Variants in GABRG3 observed in about 807,000 individuals in gnomAD.
The protein encoded by GABRG3 is gamma-aminobutyric acid receptor subunit gamma-3.
GABRG3 carries 25 observed loss-of-function variants against 48.8 expected under a neutral mutation model. The ratio of observed to expected loss-of-function variants is 0.51; its 90% confidence interval spans 0.37 to 0.72. GABRG3 has a LOEUF of 0.72. GABRG3 is among the 30% of genes least tolerant of loss of function. The pLI, the probability that GABRG3 is intolerant of heterozygous loss-of-function variation, is 0.00. For missense variants in GABRG3, 394 were observed against 577.9 expected, an observed-to-expected ratio of 0.68 and a Z score of 3.26; for synonymous variants, 227 against 217.6, an observed-to-expected ratio of 1.04 and a Z score of -0.38.
At chr15:27,273,942 G>A (rs2140475408) in intron 3 of GABRG3, among the ~76,000 whole-genome samples, 1 of 152,314 alleles carries the variant, frequency 6.6e-6, no homozygotes, top group East Asian at 1.9e-4. Flanking sequence ...GGATTCTGAA[G>A]AGGTTATAGT....
At chr15:27,518,502 T>C (rs1210407107) in intron 6 of GABRG3, among the ~76,000 whole-genome samples, 4 of 152,208 alleles carry the variant, frequency 2.6e-5, no homozygotes, top group African/African-American at 9.6e-5. Flanking sequence ...GGTTTTAAGA[T>C]AGATATTGTA....
At chr15:27,015,882 A>C (rs1895770229) in intron 2 of GABRG3, among the ~76,000 whole-genome samples, 2 of 152,170 alleles carry the variant, frequency 1.3e-5, no homozygotes, top group African/African-American at 4.8e-5. Context: ...GTCAAATAAA[A>C]TACTTTGAAT....
chr15:27,193,624 C>T (rs1409450753), intron 3 of GABRG3, among the ~76,000 whole-genome samples: 1 of 152,218 alleles, frequency 6.6e-6, no homozygotes, highest in African/African-American at 2.4e-5. Context: ...CTGTCTGTCA[C>T]CCCTTTCTTT....
intron 5 of GABRG3, among the ~76,000 whole-genome samples, chr15:27,454,285 G>T (rs183948062): frequency 2.0e-5 from 3 of 152,292 alleles, no homozygotes; most frequent in African/African-American, 7.2e-5. Context: ...GGATTCTGTA[G>T]TCTGTCCCTC....
chr15:27,083,806 G>A (rs1189754205), intron 3 of GABRG3, among the ~76,000 whole-genome samples: 3 of 152,166 alleles, frequency 2.0e-5, no homozygotes, highest in African/African-American at 7.2e-5. Context: ...GTGGGGCATG[G>A]GTGTTTCAAA....
chr15:27,337,555 C>T (rs1431912298), intron 5 of GABRG3, among the ~76,000 whole-genome samples: 1 of 152,174 alleles, frequency 6.6e-6, no homozygotes, highest in Non-Finnish European at 1.5e-5. Flanking sequence ...CTCTCAAGGC[C>T]ACCGTGCTGC....
chr15:27,406,411 A>G (rs1887635442), intron 5 of GABRG3, among the ~76,000 whole-genome samples: 2 of 152,124 alleles, frequency 1.3e-5, no homozygotes, highest in Non-Finnish European at 2.9e-5. Context: ...GACCTGACAA[A>G]CCTAATGGCA....
intron 3 of GABRG3, among the ~76,000 whole-genome samples, chr15:27,222,607 G>A (rs1028937242): frequency 6.6e-6 from 1 of 152,160 alleles, no homozygotes; most frequent in Non-Finnish European, 1.5e-5. Context: ...AATGACCTAA[G>A]AACTAGAAAT....
chr15:27,484,227 C>T (rs1008911092), intron 6 of GABRG3, among the ~76,000 whole-genome samples: 2 of 152,202 alleles, frequency 1.3e-5, no homozygotes, highest in African/African-American at 4.8e-5. Context: ...TGAGCCACTG[C>T]GCCCAGCAAA....
At chr15:27,331,224 G>C (rs185388691) in intron 5 of GABRG3, among the ~76,000 whole-genome samples, 5 of 152,234 alleles carry the variant, frequency 3.3e-5, no homozygotes, top group Admixed American at 2.0e-4. Flanking sequence ...ATATGATCCA[G>C]AATTTGCACT....
intron 3 of GABRG3, among the ~76,000 whole-genome samples, chr15:27,062,649 A>G (rs996656266): frequency 4.0e-5 from 6 of 151,878 alleles, no homozygotes; most frequent in African/African-American, 1.2e-4. Flanking sequence ...CAAACAAAGA[A>G]AAATCACTGA....
chr15:27,328,300 G>T (rs1456623193), intron 4 of GABRG3, among the ~76,000 whole-genome samples: 1 of 152,196 alleles, frequency 6.6e-6, no homozygotes, highest in Admixed American at 6.5e-5. Context: ...GGAACCCCGT[G>T]TAGACACTGA....
At chr15:27,521,085 G>A (rs1891149697) in intron 7 of GABRG3, among the ~76,000 whole-genome samples, 1 of 152,010 alleles carries the variant, frequency 6.6e-6, no homozygotes, top group African/African-American at 2.4e-5. Flanking sequence ...TATATTAGAT[G>A]TCACTGTACA....
At chr15:27,143,249 T>A (rs953641944) in intron 3 of GABRG3, among the ~76,000 whole-genome samples, 2 of 152,132 alleles carry the variant, frequency 1.3e-5, no homozygotes, top group Non-Finnish European at 2.9e-5. Context: ...TGGATAATTT[T>A]TAAATTTTTT....
chr15:27,227,094 C>T (rs982037422), intron 3 of GABRG3, among the ~76,000 whole-genome samples: 6 of 152,188 alleles, frequency 3.9e-5, no homozygotes, highest in Non-Finnish European at 7.4e-5. Context: ...TCTAAGTGTC[C>T]TTCAGGCTTA....
intron 5 of GABRG3, among the ~76,000 whole-genome samples, chr15:27,480,359 G>A (rs1890068901): frequency 6.6e-6 from 1 of 152,222 alleles, no homozygotes; most frequent in African/African-American, 2.4e-5. Context: ...GCCGACGGCA[G>A]CTGTGGCTCT....
chr15:27,094,701 A>G (rs1324981383), intron 3 of GABRG3, among the ~76,000 whole-genome samples: 1 of 152,024 alleles, frequency 6.6e-6, no homozygotes, highest in East Asian at 1.9e-4. Flanking sequence ...AGAGTGTAGG[A>G]CATAAATTAA....
intron 5 of GABRG3, among the ~76,000 whole-genome samples, chr15:27,432,962 C>T (rs1888500605): frequency 6.6e-6 from 1 of 152,204 alleles, no homozygotes; most frequent in Non-Finnish European, 1.5e-5. Context: ...TTTCCAAGAA[C>T]ATGTTCTTCA....
intron 3 of GABRG3, among the ~76,000 whole-genome samples, chr15:27,262,263 G>A (rs1410272475): frequency 6.6e-6 from 1 of 152,202 alleles, no homozygotes; most frequent in African/African-American, 2.4e-5. Context: ...TGAGGTCTAA[G>A]CTGGAGGTAG....
Sources: allele counts gnomAD v4.1 joint callset (sites outside exome capture counted in the v4.1 genomes callset), GRCh38; gene constraint gnomAD v4.1.1; transcripts MANE v1.5; gene names NCBI Gene and HGNC (gene_info 2026-07-23, HGNC 2026-07-21).